Variants in PTPN3 observed in about 807,000 individuals in gnomAD.
The protein encoded by PTPN3 is tyrosine-protein phosphatase non-receptor type 3.
In PTPN3, 96 loss-of-function variants were observed where a neutral mutation model predicts 132.7. The observed-to-expected ratio is 0.72, with a 90% CI of 0.61 to 0.86. The LOEUF is 0.86. PTPN3 is among the 40% of genes least tolerant of loss of function. PTPN3 has a pLI of 0.00. For synonymous variants in PTPN3, 398 were observed against 429.0 expected (o/e 0.93, Z 0.89); for missense variants, 1,125 against 1,159.6 (o/e 0.97, Z 0.43).
intron 14 of PTPN3, among the ~76,000 whole-genome samples, chr9:109,413,928 C>A (rs1842276603): frequency 6.6e-6 from 1 of 152,176 alleles, no homozygotes; most frequent in Non-Finnish European, 1.5e-5. Flanking sequence ...CCTCCCCGCC[C>A]CGCCGCCTGT....
At chr9:109,425,924 G>C (rs1843237876) in intron 12 of PTPN3, among the ~76,000 whole-genome samples, 1 of 149,554 alleles carries the variant, frequency 6.7e-6, no homozygotes, top group South Asian at 2.1e-4. Flanking sequence ...TGAGGCAAGA[G>C]AATCGATTGA....
At chr9:109,474,448 G>T (rs1846537537) in intron 1 of PTPN3, among the ~76,000 whole-genome samples, 1 of 152,172 alleles carries the variant, frequency 6.6e-6, no homozygotes, top group East Asian at 1.9e-4. Context: ...AGTTCTAGGG[G>T]AGAGGAAGCC....
intron 5 of PTPN3, among the ~76,000 whole-genome samples, chr9:109,453,334 G>A (rs1845376093): frequency 6.6e-6 from 1 of 152,178 alleles, no homozygotes; most frequent in Admixed American, 6.5e-5. Flanking sequence ...TGTAAAACAG[G>A]ATTCAATACT....
In PTPN3 at chr9:109,428,472, A is replaced by C. The variant is rs555244668; in HGVS notation, c.828+149T>G. 29 of 742,568 alleles carry C rather than the reference A, an allele frequency of 3.9e-5. No individual in the cohort carries two copies. In the South Asian group the frequency reaches 5.2e-4, roughly 13 times the overall value. The allele number at this position is 742,568 out of a possible 1,614,324, so 46.0% of individuals were successfully genotyped here. ...AACTTAAAAACACAAGAAATGGGGC[A>C]AAGTGGTGCATGTTTCTAGTCCCAG... On this transcript the variant is annotated intron_variant, in intron 11 of 25. Coordinates refer to ENST00000374541, the MANE Select transcript of PTPN3 (RefSeq NM_002829.4).
the PTPN3 span, among the ~76,000 whole-genome samples, chr9:109,534,632 C>CAAAAAAAAAAAAAAAAAAA: frequency 2.1e-4 from 23 of 108,590 alleles, no homozygotes; most frequent in South Asian, 3.7e-4. Context: ...CAAAAAAATA[C>CAAAAAAAAAAAAAAAAAAA]AAAAAAAAAA....
chr9:109,531,754 G>T, the PTPN3 span, among the ~76,000 whole-genome samples: 1 of 152,006 alleles, frequency 6.6e-6, no homozygotes, highest in Non-Finnish European at 1.5e-5. Flanking sequence ...CATCTCCCCA[G>T]GCTAGGCTGG....
At chr9:109,480,457 C>A (rs1483138089) in intron 1 of PTPN3, among the ~76,000 whole-genome samples, 1 of 152,168 alleles carries the variant, frequency 6.6e-6, no homozygotes, top group Non-Finnish European at 1.5e-5. Context: ...AGCCACTGCG[C>A]CTGGCCTATT....
chr9:109,379,714 C>T (rs914696141), intron 25 of PTPN3, 81 bp from the exon 26 acceptor site: 4 of 1,219,458 alleles, frequency 3.3e-6, no homozygotes, highest in South Asian at 2.5e-5. Flanking sequence ...GGGTCTTTTG[C>T]AGCATTTGTA....
intron 12 of PTPN3, among the ~76,000 whole-genome samples, chr9:109,423,471 T>C (rs1319711447): frequency 6.6e-6 from 1 of 152,144 alleles, no homozygotes; most frequent in Non-Finnish European, 1.5e-5. Context: ...CCAGGTATAG[T>C]GGCGCATGCC....
the PTPN3 span, among the ~76,000 whole-genome samples, chr9:109,516,556 G>A: frequency 2.0e-5 from 3 of 151,986 alleles, no homozygotes; most frequent in African/African-American, 7.3e-5. Context: ...GGAAGTGGTA[G>A]AAAATGAGGT....
At chr9:109,432,542 C>T (rs1188419474) in intron 10 of PTPN3, among the ~76,000 whole-genome samples, 2 of 152,166 alleles carry the variant, frequency 1.3e-5, no homozygotes, top group Non-Finnish European at 2.9e-5. Flanking sequence ...TAAACTCAAA[C>T]TTCTCTCCAA....
chr9:109,459,333 G>T (rs1359600491), intron 2 of PTPN3, among the ~76,000 whole-genome samples: 1 of 152,178 alleles, frequency 6.6e-6, no homozygotes, highest in East Asian at 1.9e-4. Flanking sequence ...GGTGGGCTGG[G>T]CTAAAGAGTC....
intron 5 of PTPN3, among the ~76,000 whole-genome samples, chr9:109,451,959 G>A (rs1038377877): frequency 6.6e-6 from 1 of 152,160 alleles, no homozygotes; most frequent in South Asian, 2.1e-4. Context: ...ATGCGTCACA[G>A]TTGGCAAGTT....
At chr9:109,433,002 G>A in intron 10 of PTPN3, 71 bp downstream of exon 10, 1 of 1,579,092 alleles carries the variant, frequency 6.3e-7, no homozygotes, top group Non-Finnish European at 8.6e-7. Context: ...TAGAATGGGA[G>A]GTAACATTAC....
In PTPN3 at chr9:109,415,075, CAA is replaced by C. The variant is rs1386668066; in HGVS notation, c.1314-4662_1314-4661del. Among the ~76,000 whole-genome samples, 927 of 113,212 alleles carry C rather than the reference CAA, an allele frequency of 8.2e-3. 9 individuals carry two copies. Among genetic ancestry groups the C allele is most frequent in the Middle Eastern group, 0.031 (7 of 224 alleles). 74.3% of individuals were successfully genotyped at this position (113,212 alleles called of 152,430 possible). ...CCATCCGTCCATCCGTCCGTCCATC[CAA>C]CCATCCATCCATCCATCCATCCATC... On this transcript the variant is annotated intron_variant, in intron 14 of 25. Coordinates refer to ENST00000374541, the MANE Select transcript of PTPN3 (RefSeq NM_002829.4).
chr9:109,488,301 C>T (rs571952844), intron 1 of PTPN3, among the ~76,000 whole-genome samples: 31 of 151,770 alleles, frequency 2.0e-4, no homozygotes, highest in Admixed American at 1.6e-3. Flanking sequence ...GGTTTTGCCA[C>T]GTTGGCCAGT....
chr9:109,433,375 C>A (rs561273179), intron 9 of PTPN3, among the ~76,000 whole-genome samples: 2 of 152,314 alleles, frequency 1.3e-5, no homozygotes, highest in South Asian at 4.2e-4. Flanking sequence ...GCCTGTCAAG[C>A]AACATGTGGG....
chr9:109,413,950 A>G (rs1395018277), intron 14 of PTPN3, among the ~76,000 whole-genome samples: 1 of 152,178 alleles, frequency 6.6e-6, no homozygotes, highest in Non-Finnish European at 1.5e-5. Flanking sequence ...AAAGGAGGCA[A>G]AGTCCTGCTC....
chr9:109,509,570 T>A, the PTPN3 span, among the ~76,000 whole-genome samples: 1 of 152,222 alleles, frequency 6.6e-6, no homozygotes, highest in Admixed American at 6.5e-5. Flanking sequence ...GAGAGTGTGA[T>A]GAGTGAGTGA....
Sources: gnomAD v4.1 joint callset for allele counts (sites outside exome capture counted in the v4.1 genomes callset) on GRCh38, gnomAD v4.1.1 for gene constraint, MANE v1.5 for transcripts, NCBI Gene and HGNC (gene_info 2026-07-23, HGNC 2026-07-21) for gene names.